Variants in TACR3 observed in about 807,000 individuals in gnomAD.
The protein encoded by TACR3 is tachykinin receptor 3.
In TACR3, 34 loss-of-function variants were observed where a neutral mutation model predicts 35.0. That is an observed-to-expected ratio of 0.97 (90% CI 0.74 to 1.30). The LOEUF is 1.30. TACR3 is among the 50% of genes most tolerant of loss of function. The probability of loss-of-function intolerance (pLI) is 0.00; values close to 1 mark genes in which losing one functional copy is unlikely to be tolerated. For missense variants in TACR3, 558 were observed against 591.7 expected (o/e 0.94, Z 0.59); for synonymous variants, 233 against 221.1 (o/e 1.05, Z -0.48).
At chr4:103,616,188 C>T (rs1018313234) in intron 3 of TACR3, among the ~76,000 whole-genome samples, 6 of 152,120 alleles carry the variant, frequency 3.9e-5, no homozygotes, top group Non-Finnish European at 7.4e-5. Context: ...GGTTACTACA[C>T]AGCACAGAAC....
chr4:103,638,674 T>G (rs2110317745), intron 3 of TACR3, among the ~76,000 whole-genome samples: 1 of 151,900 alleles, frequency 6.6e-6, no homozygotes, highest in Non-Finnish European at 1.5e-5. Flanking sequence ...TGGGAGAAAA[T>G]TTTTGCAACC....
intron 3 of TACR3, among the ~76,000 whole-genome samples, chr4:103,636,163 AAGG>A (rs1482219439): frequency 2.6e-5 from 4 of 152,024 alleles, no homozygotes; most frequent in Admixed American, 6.6e-5. Context: ...TTAATTAACT[AAGG>A]AGAATTTGTT....
At chr4:103,709,563 T>A (rs570715710) in intron 1 of TACR3, among the ~76,000 whole-genome samples, 16 of 152,200 alleles carry the variant, frequency 1.1e-4, no homozygotes, top group African/African-American at 3.6e-4. Flanking sequence ...TGCCAAATTG[T>A]AAAGACCATC....
chr4:103,618,967 G>T (rs745500625), intron 3 of TACR3, among the ~76,000 whole-genome samples: 2 of 152,106 alleles, frequency 1.3e-5, no homozygotes, highest in Non-Finnish European at 2.9e-5. Flanking sequence ...TACTAAAGTT[G>T]TTTATCAATT....
At chr4:103,604,511 A>T (rs192270651) in intron 3 of TACR3, among the ~76,000 whole-genome samples, 2 of 152,330 alleles carry the variant, frequency 1.3e-5, no homozygotes, top group African/African-American at 4.8e-5. Flanking sequence ...CACCAAAAGC[A>T]ATGGCAACAA....
At chr4:103,613,699 T>C (rs1266356152) in intron 3 of TACR3, among the ~76,000 whole-genome samples, 2 of 152,154 alleles carry the variant, frequency 1.3e-5, no homozygotes, top group South Asian at 4.1e-4. Flanking sequence ...ACATATAGAT[T>C]GGGTGGCTTA....
intron 3 of TACR3, among the ~76,000 whole-genome samples, chr4:103,628,238 A>G (rs765326440): frequency 2.6e-5 from 4 of 152,214 alleles, no homozygotes; most frequent in African/African-American, 4.8e-5. Context: ...TAAAAGAACC[A>G]GAGAAGCAAG....
At chr4:103,688,897 G>T (rs1347867013) in intron 1 of TACR3, among the ~76,000 whole-genome samples, 1 of 152,076 alleles carries the variant, frequency 6.6e-6, no homozygotes, top group Admixed American at 6.5e-5. Context: ...TCCCATTACT[G>T]GGTATATACC....
At chr4:103,655,704 C>T (rs943651848) in intron 3 of TACR3, among the ~76,000 whole-genome samples, 2 of 151,778 alleles carry the variant, frequency 1.3e-5, no homozygotes, top group African/African-American at 2.4e-5. Flanking sequence ...GGGGAAAGAA[C>T]ACACAGAGAA....
chr4:103,623,643 G>A (rs1379112538), intron 3 of TACR3, among the ~76,000 whole-genome samples: 1 of 152,060 alleles, frequency 6.6e-6, no homozygotes, highest in Non-Finnish European at 1.5e-5. Context: ...CTTATAGGAA[G>A]ACCAGAGAGC....
intron 3 of TACR3, among the ~76,000 whole-genome samples, chr4:103,606,306 G>A (rs201390692): frequency 0.1 from 15,364 of 150,310 alleles, 1,355 homozygotes; most frequent in East Asian, 0.5. Flanking sequence ...TTGGCGATGC[G>A]GGCTCTTTTT....
chr4:103,623,865 G>A (rs891600455), intron 3 of TACR3, among the ~76,000 whole-genome samples: 3 of 152,058 alleles, frequency 2.0e-5, no homozygotes, highest in African/African-American at 4.8e-5. Context: ...ACTCGTTTTC[G>A]GATGATGGAG....
intron 1 of TACR3, among the ~76,000 whole-genome samples, chr4:103,680,788 C>A (rs1349751415): frequency 6.6e-6 from 1 of 151,594 alleles, no homozygotes; most frequent in Non-Finnish European, 1.5e-5. Context: ...CTTTTAAACT[C>A]TCTATAATAA....
At chr4:103,611,666 A>G (rs1261637698) in intron 3 of TACR3, among the ~76,000 whole-genome samples, 1 of 151,824 alleles carries the variant, frequency 6.6e-6, no homozygotes, top group African/African-American at 2.4e-5. Context: ...TTTTTTTAAC[A>G]CAGACATGGC....
chr4:103,619,381 G>C (rs1374556983), intron 3 of TACR3, among the ~76,000 whole-genome samples: 2 of 152,070 alleles, frequency 1.3e-5, no homozygotes, highest in African/African-American at 4.8e-5. Flanking sequence ...GTAGAGACAG[G>C]GTTTCACCAT....
chr4:103,705,138 A>T (rs1440511391), intron 1 of TACR3, among the ~76,000 whole-genome samples: 1 of 152,180 alleles, frequency 6.6e-6, no homozygotes, highest in African/African-American at 2.4e-5. Context: ...AATCCTGAGT[A>T]GAAAAAATGA....
intron 3 of TACR3, among the ~76,000 whole-genome samples, chr4:103,627,317 C>G (rs1031148762): frequency 7.2e-6 from 1 of 138,148 alleles, no homozygotes; most frequent in Admixed American, 7.7e-5. Context: ...GAGTACGAGA[C>G]CAGTCTGGCC....
At position 103,622,483 on chromosome 4, in the gene TACR3, G is replaced by A. The variant is rs1254999336; in HGVS notation, c.889-30800C>T. Among the ~76,000 whole-genome samples, 3 of 152,186 alleles carry A rather than the reference G, an allele frequency of 2.0e-5. No homozygotes were observed. The East Asian group carries it at 5.8e-4, about 29-fold the overall frequency. On this transcript the variant is annotated intron_variant, in intron 3 of 4. Coordinates refer to ENST00000304883, the MANE Select transcript of TACR3 (RefSeq NM_001059.3). ...ACGGTGGCTCACGCCTGCAATCCCAGCAGTTTGGGAGGCTGAGGCAGGCGG... is the reference window on the plus strand; with the variant it reads ...ACGGTGGCTCACGCCTGCAATCCCAACAGTTTGGGAGGCTGAGGCAGGCGG...
chr4:103,613,218 A>G (rs1724551471), intron 3 of TACR3, among the ~76,000 whole-genome samples: 1 of 152,220 alleles, frequency 6.6e-6, no homozygotes, highest in African/African-American at 2.4e-5. Flanking sequence ...ATTAAAAAGA[A>G]GGACTAAGAG....
Sources: allele counts gnomAD v4.1 joint callset (sites outside exome capture counted in the v4.1 genomes callset), GRCh38; gene constraint gnomAD v4.1.1; transcripts MANE v1.5; gene names NCBI Gene and HGNC (gene_info 2026-07-23, HGNC 2026-07-21).